The following PPME1 variants were observed in gnomAD, a reference collection of about 807,000 sequenced individuals.
PPME1 encodes protein phosphatase methylesterase 1, also known as testicular secretory protein Li 39.
PPME1 carries 17 observed loss-of-function variants against 56.9 expected under a neutral mutation model. The observed-to-expected ratio is 0.30, with a 90% CI of 0.20 to 0.45. PPME1 has a LOEUF of 0.45. Ranked by LOEUF, PPME1 falls within the 20% of genes least tolerant of loss-of-function variation. The probability of loss-of-function intolerance (pLI) is 1.00; values close to 1 mark genes in which losing one functional copy is unlikely to be tolerated. For missense variants in PPME1, 357 were observed against 483.2 expected, an observed-to-expected ratio of 0.74 and a Z score of 2.45; for synonymous variants, 122 against 156.2, an observed-to-expected ratio of 0.78 and a Z score of 1.63.
At chr11:74,242,782 G>A (rs1378987401) in intron 9 of PPME1, among the ~76,000 whole-genome samples, 1 of 150,638 alleles carries the variant, frequency 6.6e-6, no homozygotes, top group Non-Finnish European at 1.5e-5. Flanking sequence ...GGGAGGCTGA[G>A]GCAGGAGAAT....
chr11:74,212,227 T>C (rs1858497182), intron 3 of PPME1, among the ~76,000 whole-genome samples: 1 of 152,146 alleles, frequency 6.6e-6, no homozygotes. Context: ...TGACTTTGCA[T>C]TGGAACTCAG....
chr11:74,223,865 TG>T (rs1461709060), intron 4 of PPME1, among the ~76,000 whole-genome samples: 2 of 149,662 alleles, frequency 1.3e-5, no homozygotes, highest in Admixed American at 1.3e-4. Context: ...ATGAGTAAGT[TG>T]CGAAAATTTT....
chr11:74,173,695 C>G (rs2135586753), intron 1 of PPME1, among the ~76,000 whole-genome samples: 1 of 152,286 alleles, frequency 6.6e-6, no homozygotes, highest in Middle Eastern at 3.4e-3. Context: ...GCATGCACCA[C>G]CACGCCCGGC....
intron 1 of PPME1, among the ~76,000 whole-genome samples, chr11:74,192,276 A>G (rs991257903): frequency 1.1e-4 from 16 of 152,214 alleles, no homozygotes; most frequent in African/African-American, 3.9e-4. Context: ...TCTTTTAGCC[A>G]GTTTCTCCAT....
chr11:74,197,714 A>AT (rs1443840210), intron 1 of PPME1, among the ~76,000 whole-genome samples: 2 of 152,228 alleles, frequency 1.3e-5, no homozygotes, highest in Admixed American at 6.5e-5. Flanking sequence ...GTATCTCCTA[A>AT]TTCCTTTTCT....
chr11:74,191,459 C>A (rs1046430125), intron 1 of PPME1, among the ~76,000 whole-genome samples: 1 of 152,220 alleles, frequency 6.6e-6, no homozygotes, highest in Non-Finnish European at 1.5e-5. Flanking sequence ...TAACCACTTA[C>A]TAGAGAGATT....
At position 74,171,372 on chromosome 11, in the gene PPME1, G is replaced by T; in HGVS notation, c.-50G>T. The T allele has an allele frequency of 6.4e-7, 1 of 1,565,302 alleles. No homozygotes were observed. Among genetic ancestry groups the T allele is most frequent in the East Asian group, 2.4e-5 (1 of 42,478 alleles). ...TGACCGGTTGGGCCACACTCAACGT[G>T]GGACGAAGCTTCGCCTACTGTTTGA... is the stretch of plus-strand genomic sequence containing the variant. On this transcript the variant is annotated 5_prime_UTR_variant, in exon 1 of 14. Transcript: ENST00000328257.
At chr11:74,224,006 T>G (rs1858870064) in intron 4 of PPME1, among the ~76,000 whole-genome samples, 2 of 152,258 alleles carry the variant, frequency 1.3e-5, no homozygotes, top group South Asian at 2.1e-4. Context: ...TTTTAGACAT[T>G]AAGTCCTTGT....
chr11:74,242,740 G>A (rs1050245039), intron 9 of PPME1, among the ~76,000 whole-genome samples: 4 of 151,862 alleles, frequency 2.6e-5, no homozygotes, highest in Non-Finnish European at 5.9e-5. Context: ...TTAGCTGGGC[G>A]TGGTGGCGTG....
intron 1 of PPME1, among the ~76,000 whole-genome samples, chr11:74,183,129 G>A (rs1857584600): frequency 1.3e-5 from 2 of 151,778 alleles, no homozygotes; most frequent in African/African-American, 2.4e-5. Flanking sequence ...AGACCACATC[G>A]CTACAAAAAG....
chr11:74,251,241 C>A, intron 12 of PPME1: 1 of 1,392,984 alleles, frequency 7.2e-7, no homozygotes, highest in South Asian at 1.8e-5. Context: ...CTATTTCATC[C>A]CAGGGCCCTG....
In PPME1 at chr11:74,216,752, AAAG is replaced by A. The variant is rs1299396833; in HGVS notation, c.289-5555_289-5553del. Among the ~76,000 whole-genome samples, 6 of 142,748 alleles carry A rather than the reference AAAG, an allele frequency of 4.2e-5. No homozygotes were observed. In the South Asian group the frequency reaches 1.3e-3, roughly 31 times the overall value. The allele number at this position is 142,748 out of a possible 152,430, so 93.6% of individuals were successfully genotyped here. On this transcript the variant is annotated intron_variant, in intron 3 of 13. Coordinates refer to ENST00000328257, the MANE Select transcript of PPME1 (RefSeq NM_016147.3). Reference sequence around the variant, plus strand: ...ACCTTTAGCTAGACTAAGAAAAAAGAAAGAAGACCCAAATAAAATCAGATGAAA... The same window carrying A: ...ACCTTTAGCTAGACTAAGAAAAAAGAAAGACCCAAATAAAATCAGATGAAA...
chr11:74,246,993 GTCA>G, intron 10 of PPME1, 83 bp from the exon 11 acceptor site: 1 of 1,123,392 alleles, frequency 8.9e-7, no homozygotes, highest in Non-Finnish European at 1.3e-6. Flanking sequence ...AATGGAGAAT[GTCA>G]TCATATTTAA....
chr11:74,248,497 G>T (rs115572786), intron 11 of PPME1: 1 of 152,100 alleles, frequency 6.6e-6, no homozygotes. Context: ...TTGTTCAAAG[G>T]CTCTCACATA....
intron 3 of PPME1, among the ~76,000 whole-genome samples, chr11:74,207,319 T>C (rs934758541): frequency 6.6e-6 from 1 of 152,216 alleles, no homozygotes; most frequent in Admixed American, 6.5e-5. Flanking sequence ...TCTAAATGTT[T>C]TGTGGTTTGG....
In PPME1 at chr11:74,239,248, G is replaced by C. The variant is rs1368465978; in HGVS notation, c.826G>C (p.Asp276His). 2 of 1,612,224 alleles carry C rather than the reference G, an allele frequency of 1.2e-6. No individual in the cohort carries two copies. The highest frequency in any genetic ancestry group is 3.4e-5 in the Admixed American group (2 of 59,568). Reference sequence around the variant, plus strand: ...TATAAGCAAGAGGAAAAAGGAAGATGACATGGAGGTGGGTAAAAACATTCA... The same window carrying C: ...TATAAGCAAGAGGAAAAAGGAAGATCACATGGAGGTGGGTAAAAACATTCA... Reference protein sequence around the residue: ...ESISKRKKEDDMETKKDHPYT... With the variant: ...ESISKRKKEDHMETKKDHPYT... The change falls in exon 9 of 14, where the codon GAC becomes CAC. Residue 276 changes from aspartate (D) to histidine (H), a missense_variant. Asp to His is a moderately conservative substitution (Grantham distance 81, BLOSUM62 -1). This residue lies in a region of PPME1 where 182 missense variants were observed against 293.8 expected (regional missense o/e 0.62). Coordinates refer to ENST00000328257, the MANE Select transcript of PPME1 (RefSeq NM_016147.3).
chr11:74,240,749 A>G (rs1457653386), intron 9 of PPME1, among the ~76,000 whole-genome samples: 3 of 152,170 alleles, frequency 2.0e-5, no homozygotes, highest in Non-Finnish European at 4.4e-5. Flanking sequence ...CTCCCATATT[A>G]TGGTGTAGAA....
rs1858515199 is a variant in PPME1 at position 74,212,811 on chromosome 11, A to G, written c.288+8366A>G. Among the ~76,000 whole-genome samples, 3 of 152,126 alleles carry G rather than the reference A, an allele frequency of 2.0e-5. No homozygotes were observed. The South Asian group carries it at 6.2e-4, about 32-fold the overall frequency. On this transcript the variant is annotated intron_variant, in intron 3 of 13. Transcript: ENST00000328257. Reference sequence around the variant, plus strand: ...TGGCAGGATTCATCCCCTGCTGACTAAAGAGCCTTTGGGTCCTGAATAATC... The same window carrying G: ...TGGCAGGATTCATCCCCTGCTGACTGAAGAGCCTTTGGGTCCTGAATAATC...
chr11:74,230,205 T>C lies in PPME1; in HGVS notation c.399-40T>C. On this transcript the variant is annotated intron_variant, in intron 5 of 13. Coordinates refer to ENST00000328257, the MANE Select transcript of PPME1 (RefSeq NM_016147.3). The surrounding 1 kb of genome is among the most constrained non-coding windows in gnomAD (Gnocchi z 4.9). ...AAAGAAAACCATTTTTACAGTGTTG[T>C]CAGAAAGCATTCTTAGATCTTTTTC... The C allele has an allele frequency of 6.3e-7, 1 of 1,574,944 alleles. No homozygotes were observed. Among genetic ancestry groups the C allele is most frequent in the Non-Finnish European group, 8.6e-7 (1 of 1,162,270 alleles).
Sources: allele counts gnomAD v4.1 joint callset (sites outside exome capture counted in the v4.1 genomes callset), GRCh38; gene constraint gnomAD v4.1.1; regional missense constraint gnomAD v4.1.1; non-coding constraint Gnocchi (gnomAD v3.1); transcripts MANE v1.5; gene names NCBI Gene and HGNC (gene_info 2026-07-23, HGNC 2026-07-21).